Variants in MTUS2 observed in about 807,000 individuals in gnomAD.
MTUS2 encodes microtubule associated scaffold protein 2.
In MTUS2, 40 loss-of-function variants were observed where a neutral mutation model predicts 114.1. The ratio of observed to expected loss-of-function variants is 0.35; its 90% CI spans 0.27 to 0.46. MTUS2 has a LOEUF of 0.46. MTUS2 is among the 20% of genes least tolerant of loss of function. The pLI is 1.00. For missense variants in MTUS2, 1,679 were observed against 1,705.4 expected, an observed-to-expected ratio of 0.98 and a Z score of 0.27; for synonymous variants, 688 against 672.0, an observed-to-expected ratio of 1.02 and a Z score of -0.37.
At chr13:29,365,370 C>T (rs142439251) in intron 8 of MTUS2, among the ~76,000 whole-genome samples, 1 of 152,214 alleles carries the variant, frequency 6.6e-6, no homozygotes, top group East Asian at 1.9e-4. Context: ...CTGATAAAAC[C>T]CACCTCTATT....
At chr13:29,457,536 G>C (rs3013639) in intron 9 of MTUS2, among the ~76,000 whole-genome samples, 1 of 151,850 alleles carries the variant, frequency 6.6e-6, no homozygotes, top group Non-Finnish European at 1.5e-5. Flanking sequence ...GCATTTATCT[G>C]TTCTTCTGCT....
At chr13:29,458,579 C>G (rs1015938275) in intron 9 of MTUS2, among the ~76,000 whole-genome samples, 4 of 152,104 alleles carry the variant, frequency 2.6e-5, no homozygotes, top group African/African-American at 9.7e-5. Flanking sequence ...CTCTGATGAT[C>G]TCATCTACCC....
intron 5 of MTUS2, among the ~76,000 whole-genome samples, chr13:29,219,750 G>A (rs1470030662): frequency 1.3e-5 from 2 of 152,278 alleles, no homozygotes; most frequent in African/African-American, 4.8e-5. Context: ...AGTACTTGCT[G>A]CTTCACCTTT....
At chr13:28,922,522 C>T (rs1486243637) in intron 2 of MTUS2, among the ~76,000 whole-genome samples, 1 of 152,138 alleles carries the variant, frequency 6.6e-6, no homozygotes, top group Non-Finnish European at 1.5e-5. Flanking sequence ...GGCTGATTCC[C>T]ATCTGGCTAT....
At chr13:29,340,064 G>A (rs11147379) in intron 7 of MTUS2, among the ~76,000 whole-genome samples, 41,412 of 152,206 alleles carry the variant, frequency 0.27, 6,310 homozygotes, top group African/African-American at 0.42. Flanking sequence ...GCCAGAAAGC[G>A]CGCAAAGCAT....
chr13:29,457,498 A>G (rs1227493514), intron 9 of MTUS2, among the ~76,000 whole-genome samples: 1 of 149,314 alleles, frequency 6.7e-6, no homozygotes, highest in Non-Finnish European at 1.5e-5. Flanking sequence ...CTAGCATTCC[A>G]TTTGCATGAG....
chr13:29,157,820 G>A lies in MTUS2; in HGVS notation c.2644+56850G>A, dbSNP rs10467434. Among the ~76,000 whole-genome samples the A allele has an allele frequency of 4.6e-3, 529 of 115,486 alleles. 6 individuals carry two copies. Among genetic ancestry groups the A allele is most frequent in the East Asian group, 0.023 (90 of 3,958 alleles). The allele number at this position is 115,486 out of a possible 152,430, so 75.8% of individuals were successfully genotyped here. A position where few individuals can be genotyped will look rare whatever the true frequency, so the allele number is the denominator to read the frequency against. Reference sequence around the variant, plus strand: ...GATAGATATAGATACAGATATAGATGTAGATATAGATATAGATATAGATAT... The same window carrying A: ...GATAGATATAGATACAGATATAGATATAGATATAGATATAGATATAGATAT... On this transcript the variant is annotated intron_variant, in intron 5 of 15. Transcript: ENST00000612955.
At chr13:28,854,337 C>G (rs1876488359) in intron 2 of MTUS2, among the ~76,000 whole-genome samples, 1 of 152,214 alleles carries the variant, frequency 6.6e-6, no homozygotes, top group Non-Finnish European at 1.5e-5. Flanking sequence ...ATTTTTACTT[C>G]TAGTTATGTT....
chr13:29,327,149 TAA>T (rs1900555222), intron 7 of MTUS2, among the ~76,000 whole-genome samples: 2 of 36,264 alleles, frequency 5.5e-5, no homozygotes, highest in Non-Finnish European at 2.5e-4. Flanking sequence ...AATGTATAAG[TAA>T]AAGGATGGAA....
At chr13:28,926,742 G>T (rs1022925312) in intron 2 of MTUS2, among the ~76,000 whole-genome samples, 5 of 151,952 alleles carry the variant, frequency 3.3e-5, no homozygotes, top group Non-Finnish European at 7.4e-5. Context: ...TTCATTATTA[G>T]AAAATTTTCC....
chr13:29,409,687 A>G (rs1466577360), intron 8 of MTUS2, among the ~76,000 whole-genome samples: 1 of 152,196 alleles, frequency 6.6e-6, no homozygotes, highest in Non-Finnish European at 1.5e-5. Context: ...TTTCTTACAC[A>G]AAAGATAGGA....
intron 8 of MTUS2, among the ~76,000 whole-genome samples, chr13:29,389,701 ATG>A (rs1491190122): frequency 2.1e-5 from 3 of 144,808 alleles, no homozygotes; most frequent in Admixed American, 6.9e-5. Flanking sequence ...ATATGTGTAT[ATG>A]TGTATATGTA....
intron 5 of MTUS2, among the ~76,000 whole-genome samples, chr13:29,260,376 A>C (rs936631558): frequency 2.0e-5 from 3 of 152,220 alleles, no homozygotes; most frequent in African/African-American, 4.8e-5. Context: ...ACTGAGACTG[A>C]GCAGAAAATA....
intron 4 of MTUS2, among the ~76,000 whole-genome samples, chr13:29,060,336 G>C (rs1888352770): frequency 6.6e-6 from 1 of 152,114 alleles, no homozygotes; most frequent in African/African-American, 2.4e-5. Context: ...TCTGTTCCCA[G>C]TTTTCTCCAG....
At chr13:28,881,806 A>G (rs2138141043) in intron 2 of MTUS2, among the ~76,000 whole-genome samples, 1 of 152,336 alleles carries the variant, frequency 6.6e-6, no homozygotes, top group East Asian at 1.9e-4. Context: ...GTTTTGAAAA[A>G]AGATGACAGT....
intron 5 of MTUS2, among the ~76,000 whole-genome samples, chr13:29,251,561 C>T (rs1469073834): frequency 2.6e-5 from 4 of 152,186 alleles, no homozygotes; most frequent in Admixed American, 6.5e-5. Context: ...TGCCATTAAA[C>T]ACTGACTCCC....
At chr13:29,453,041 A>C (rs936681406) in intron 9 of MTUS2, among the ~76,000 whole-genome samples, 3 of 152,232 alleles carry the variant, frequency 2.0e-5, no homozygotes, top group Admixed American at 6.5e-5. Flanking sequence ...GGCTATACAG[A>C]ATAGAAGCAA....
intron 8 of MTUS2, among the ~76,000 whole-genome samples, chr13:29,411,401 T>C (rs952467032): frequency 1.3e-5 from 2 of 152,246 alleles, no homozygotes; most frequent in Non-Finnish European, 2.9e-5. Context: ...GGTCTATTTC[T>C]GAGCTTTCTG....
chr13:29,332,674 G>A (rs931637061), intron 7 of MTUS2, among the ~76,000 whole-genome samples: 10 of 136,368 alleles, frequency 7.3e-5, no homozygotes, highest in Middle Eastern at 4.0e-3. Context: ...TCGCTCAGTC[G>A]CCCAGGCTGG....
Sources: gnomAD v4.1 joint callset for allele counts (sites outside exome capture counted in the v4.1 genomes callset) on GRCh38, gnomAD v4.1.1 for gene constraint, MANE v1.5 for transcripts, NCBI Gene and HGNC (gene_info 2026-07-23, HGNC 2026-07-21) for gene names.